Variants in WWOX observed in about 807,000 individuals in gnomAD.
WWOX encodes WW domain-containing oxidoreductase.
Under a neutral mutation model 46.2 loss-of-function variants are expected in WWOX, and 69 were observed. The observed-to-expected ratio is 1.49, with a 90% confidence interval of 1.23 to 1.82. The LOEUF (loss-of-function observed/expected upper bound fraction) is 1.82, where lower values mean the gene tolerates loss of function less well. Among genes scored for constraint, WWOX ranks in the 40% most tolerant of loss-of-function variants. The pLI, the probability that WWOX is intolerant of heterozygous loss-of-function variation, is 0.00. For synonymous variants in WWOX, 359 were observed against 202.6 expected, an observed-to-expected ratio of 1.77 and a Z score of -6.56; for missense variants, 919 against 542.6, an observed-to-expected ratio of 1.69 and a Z score of -6.89.
chr16:78,173,543 C>T (rs1031693804), intron 5 of WWOX, among the ~76,000 whole-genome samples: 1 of 151,694 alleles, frequency 6.6e-6, no homozygotes, highest in African/African-American at 2.4e-5. Flanking sequence ...GGCGATCCTC[C>T]TGCCTGGGTC....
At chr16:78,423,662 G>T (rs907792184) in intron 6 of WWOX, among the ~76,000 whole-genome samples, 1 of 151,868 alleles carries the variant, frequency 6.6e-6, no homozygotes, top group African/African-American at 2.4e-5. Context: ...CATAGGGGGA[G>T]CCCATCTCTA....
chr16:79,054,279 C>T (rs549822159), intron 8 of WWOX, among the ~76,000 whole-genome samples: 1 of 152,280 alleles, frequency 6.6e-6, no homozygotes, highest in East Asian at 1.9e-4. Context: ...ACTTAAATCG[C>T]TATTGTTTTA....
At chr16:78,204,122 A>G (rs1277694265) in intron 5 of WWOX, among the ~76,000 whole-genome samples, 1 of 152,220 alleles carries the variant, frequency 6.6e-6, no homozygotes, top group Non-Finnish European at 1.5e-5. Context: ...TACCTGTAGC[A>G]AGAGCATGTC....
At chr16:78,725,910 TTTC>T (rs1360629471) in intron 8 of WWOX, among the ~76,000 whole-genome samples, 1 of 151,982 alleles carries the variant, frequency 6.6e-6, no homozygotes, top group African/African-American at 2.4e-5. Flanking sequence ...CTCTACTCCT[TTTC>T]TTCTCTTTTT....
intron 8 of WWOX, among the ~76,000 whole-genome samples, chr16:78,921,683 C>T (rs756900919): frequency 4.6e-5 from 7 of 152,132 alleles, no homozygotes; most frequent in Non-Finnish European, 8.8e-5. Context: ...GCAACTCCTT[C>T]TGAGTACTAA....
chr16:78,715,753 A>C (rs938468241), intron 8 of WWOX, among the ~76,000 whole-genome samples: 1 of 152,220 alleles, frequency 6.6e-6, no homozygotes, highest in African/African-American at 2.4e-5. Flanking sequence ...CTGGGATTAC[A>C]GGCATGAGCC....
intron 5 of WWOX, among the ~76,000 whole-genome samples, chr16:78,203,034 G>C (rs982075883): frequency 2.0e-5 from 3 of 152,140 alleles, no homozygotes; most frequent in Admixed American, 2.0e-4. Flanking sequence ...AGGCTGTCTG[G>C]ATTATAGTGG....
chr16:79,170,349 G>A (rs1240961956), intron 8 of WWOX, among the ~76,000 whole-genome samples: 2 of 152,178 alleles, frequency 1.3e-5, no homozygotes, highest in South Asian at 2.1e-4. Context: ...CTAGGAAGTA[G>A]CAAAGATGGA....
At chr16:78,646,945 C>T (rs1319737252) in intron 8 of WWOX, among the ~76,000 whole-genome samples, 1 of 152,112 alleles carries the variant, frequency 6.6e-6, no homozygotes, top group Non-Finnish European at 1.5e-5. Flanking sequence ...GGGGGGATGC[C>T]TTGTGGAAGT....
At chr16:78,422,539 G>A (rs1334754704) in intron 6 of WWOX, among the ~76,000 whole-genome samples, 1 of 149,942 alleles carries the variant, frequency 6.7e-6, no homozygotes, top group Non-Finnish European at 1.5e-5. Context: ...TTGAGATGGG[G>A]TCTTGCTGTG....
intron 5 of WWOX, among the ~76,000 whole-genome samples, chr16:78,213,871 G>T (rs74891211): frequency 6.6e-6 from 1 of 152,160 alleles, no homozygotes; most frequent in Admixed American, 6.5e-5. Flanking sequence ...AGACCTGAGG[G>T]CTTCTGGGGC....
At chr16:78,637,707 T>A (rs1167895670) in intron 8 of WWOX, among the ~76,000 whole-genome samples, 1 of 152,200 alleles carries the variant, frequency 6.6e-6, no homozygotes, top group East Asian at 1.9e-4. Context: ...GAGTAGGTGC[T>A]TAAGCCCTTC....
intron 8 of WWOX, among the ~76,000 whole-genome samples, chr16:78,545,914 C>T (rs1158753055): frequency 6.6e-6 from 1 of 152,108 alleles, no homozygotes; most frequent in African/African-American, 2.4e-5. Flanking sequence ...ATTAGGGCAC[C>T]ACGCTTATGA....
At chr16:79,193,870 A>G (rs2051186934) in intron 8 of WWOX, among the ~76,000 whole-genome samples, 1 of 152,114 alleles carries the variant, frequency 6.6e-6, no homozygotes. Context: ...GGCCCCAGTA[A>G]CCTACAGAAG....
chr16:78,139,398 T>C (rs4887939), intron 4 of WWOX, among the ~76,000 whole-genome samples: 99,110 of 151,928 alleles, frequency 0.65, 32,737 homozygotes, highest in East Asian at 0.76. Flanking sequence ...GTAATCCCAG[T>C]ACTTTGGGAG....
chr16:78,889,982 C>T (rs1408682039), intron 8 of WWOX, among the ~76,000 whole-genome samples: 1 of 152,006 alleles, frequency 6.6e-6, no homozygotes, highest in Non-Finnish European at 1.5e-5. Context: ...AAATGAATCT[C>T]TGTTTTTTTT....
At position 79,183,959 on chromosome 16, in the gene WWOX, G is replaced by A. The variant is rs149677487; in HGVS notation, c.1057-27649G>A. Among the ~76,000 whole-genome samples, 7 of 152,284 alleles carry A rather than the reference G, an allele frequency of 4.6e-5. No homozygotes were observed. In the South Asian group the frequency reaches 8.3e-4, roughly 18 times the overall value. Reference sequence around the variant, plus strand: ...CCAGAAGAAAACACGCTTTGGTGTCGTGCTTGCCTTTGCCCTTGTCACTTT... The same window carrying A: ...CCAGAAGAAAACACGCTTTGGTGTCATGCTTGCCTTTGCCCTTGTCACTTT... On this transcript the variant is annotated intron_variant, in intron 8 of 8. Transcript: ENST00000566780.
intron 5 of WWOX, among the ~76,000 whole-genome samples, chr16:78,367,956 C>T (rs1283716075): frequency 6.6e-6 from 1 of 152,006 alleles, no homozygotes; most frequent in East Asian, 1.9e-4. Context: ...GGGATTTCAC[C>T]ATGTTGGTCA....
At chr16:78,423,055 T>A (rs1007784558) in intron 6 of WWOX, among the ~76,000 whole-genome samples, 3 of 151,754 alleles carry the variant, frequency 2.0e-5, no homozygotes, top group Non-Finnish European at 2.9e-5. Context: ...TGGGCTAACT[T>A]TTGTATTTTT....
Sources: gnomAD v4.1 joint callset for allele counts (sites outside exome capture counted in the v4.1 genomes callset) on GRCh38, gnomAD v4.1.1 for gene constraint, MANE v1.5 for transcripts, NCBI Gene and HGNC (gene_info 2026-07-23, HGNC 2026-07-21) for gene names.